CECR2: variants seen among roughly 807,000 people sequenced by gnomAD.
CECR2 encodes the protein CECR2 histone acetyl-lysine reader.
A neutral mutation model predicts 154.5 loss-of-function variants in CECR2; 30 were observed. The ratio of observed to expected loss-of-function variants is 0.19; its 90% CI spans 0.15 to 0.26. CECR2 has a LOEUF of 0.26. Among genes scored for constraint, CECR2 ranks in the 10% least tolerant of loss-of-function variants. CECR2 has a pLI of 1.00. For synonymous variants in CECR2, 725 were observed against 683.7 expected (o/e 1.06, Z -0.94); for missense variants, 1,743 against 1,829.3 (o/e 0.95, Z 0.86).
At chr22:17,517,685 T>C (rs1368337790) in intron 8 of CECR2, among the ~76,000 whole-genome samples, 2 of 152,250 alleles carry the variant, frequency 1.3e-5, no homozygotes, top group African/African-American at 4.8e-5. Flanking sequence ...TACCTAGCAT[T>C]GCTTTTCAGC....
intron 1 of CECR2, among the ~76,000 whole-genome samples, chr22:17,437,178 G>A (rs1217752853): frequency 6.6e-6 from 1 of 152,072 alleles, no homozygotes; most frequent in Non-Finnish European, 1.5e-5. Flanking sequence ...CCCTGTCTGC[G>A]GTTCTGCCTT....
chr22:17,442,428 G>A lies in CECR2; in HGVS notation c.127-35160G>A, dbSNP rs117195936. On this transcript the variant is annotated intron_variant, in intron 1 of 18. Coordinates refer to ENST00000262608, the MANE Select transcript of CECR2 (RefSeq NM_001290047.2). Reference sequence around the variant, plus strand: ...CAAATACATATATATTTTTAAATTAGTTGGGCGTAGTTGATGCACATCTTG... The same window carrying A: ...CAAATACATATATATTTTTAAATTAATTGGGCGTAGTTGATGCACATCTTG... Among the ~76,000 whole-genome samples, 290 of 152,276 alleles carry A rather than the reference G, an allele frequency of 1.9e-3. 8 individuals carry two copies. The East Asian group carries it at 0.05, about 26-fold the overall frequency.
At chr22:17,544,834 AAAG>A (rs2056586408) in intron 16 of CECR2, among the ~76,000 whole-genome samples, 3 of 149,554 alleles carry the variant, frequency 2.0e-5, no homozygotes, top group African/African-American at 5.0e-5. Context: ...AAAAAAAAAA[AAAG>A]GTTCATGCCT....
chr22:17,372,126 C>T (rs2146440754), intron 1 of CECR2, among the ~76,000 whole-genome samples: 1 of 152,250 alleles, frequency 6.6e-6, no homozygotes, highest in Non-Finnish European at 1.5e-5. Flanking sequence ...GTTTGAAATA[C>T]ATGCAACAGA....
At chr22:17,544,809 CAAAAAAAAAAAAAA>C (rs67994839) in intron 16 of CECR2, among the ~76,000 whole-genome samples, 11 of 45,620 alleles carry the variant, frequency 2.4e-4, no homozygotes, top group African/African-American at 9.6e-4. Context: ...GACTCTGTCT[CAAAAAAAAAAAAAA>C]AAAAAAAAAA....
intron 1 of CECR2, among the ~76,000 whole-genome samples, chr22:17,451,914 A>T (rs965820832): frequency 6.6e-6 from 1 of 152,184 alleles, no homozygotes; most frequent in Non-Finnish European, 1.5e-5. Context: ...TTTTAGCTTG[A>T]CAAAACAAAC....
intron 8 of CECR2, chr22:17,518,671 T>G: frequency 2.2e-6 from 1 of 445,566 alleles, no homozygotes; most frequent in Non-Finnish European, 4.6e-6. Context: ...CCATTCCAGG[T>G]CTTATTGATG....
At position 17,549,264 on chromosome 22, in the gene CECR2, G is replaced by T; in HGVS notation, c.3977G>T (p.Ser1326Ile). Reference protein sequence around the residue: ...EYLYGTPPPLSSGMGFGSSAF... With the variant: ...EYLYGTPPPLISGMGFGSSAF... ...CTCTATGGAACTCCTCCGCCTCTGA[G>T]TTCAGGAATGGGATTTGGTTCATCT... Residue 1326 changes from serine (S) to isoleucine (I), a missense_variant, in exon 17 of 19, where the codon AGT becomes ATT. Physicochemically the swap from Ser to Ile is moderately radical, Grantham distance 142. This residue lies in a region of CECR2 where 1,250 missense variants were observed against 1,192.1 expected (regional missense o/e 1.05). Transcript: ENST00000262608. 6.2e-7 allele frequency: 1 copy of T among 1,614,016 alleles called. No homozygotes were observed. Among genetic ancestry groups the T allele is most frequent in the Non-Finnish European group, 8.5e-7 (1 of 1,179,896 alleles).
In CECR2 at chr22:17,541,936, C is replaced by T; in HGVS notation, c.1982C>T (p.Pro661Leu). ...GTCCCGGAGCCACACCCCGGGGAGC[C>T]TGTGCAGCAGCGTCAGCCTTTCACC... ...SGVPEPHPGE[P>L]VQQRQPFTMQ... The change falls in exon 15 of 19, where the codon CCT (proline) becomes CTT (leucine). Residue 661 changes from proline to leucine, a missense_variant. Around this residue, in one of 4 missense-constraint regions of CECR2, gnomAD observed 1,250 missense variants for 1,192.1 expected, o/e 1.05. Coordinates refer to ENST00000262608, the MANE Select transcript of CECR2 (RefSeq NM_001290047.2). 1 of 1,613,974 alleles carries T rather than the reference C, an allele frequency of 6.2e-7. No individual in the cohort carries two copies. The highest frequency in any genetic ancestry group is 8.5e-7 in the Non-Finnish European group (1 of 1,179,866).
intron 2 of CECR2, among the ~76,000 whole-genome samples, chr22:17,496,568 T>C (rs2055632804): frequency 6.6e-6 from 1 of 152,118 alleles, no homozygotes; most frequent in African/African-American, 2.4e-5. Context: ...GCCTTAAAGT[T>C]CATGTATAAT....
intron 1 of CECR2, among the ~76,000 whole-genome samples, chr22:17,371,798 C>T (rs1420646957): frequency 6.6e-6 from 1 of 152,204 alleles, no homozygotes; most frequent in East Asian, 1.9e-4. Context: ...CTTTATGTCT[C>T]AAAATCCATG....
intron 1 of CECR2, among the ~76,000 whole-genome samples, chr22:17,413,515 A>G (rs1375955109): frequency 1.3e-5 from 2 of 152,088 alleles, no homozygotes; most frequent in African/African-American, 4.8e-5. Flanking sequence ...GCAGCAGGGA[A>G]AATAGGTAGA....
At chr22:17,538,780 T>A in intron 12 of CECR2, 49 bp downstream of exon 12, 1 of 1,488,512 alleles carries the variant, frequency 6.7e-7, no homozygotes, top group Non-Finnish European at 9.2e-7. Context: ...TATATCTTTC[T>A]TGGGTTTTGT....
At chr22:17,525,348 GA>G (rs2056245855) in intron 9 of CECR2, among the ~76,000 whole-genome samples, 1 of 89,614 alleles carries the variant, frequency 1.1e-5, no homozygotes, top group African/African-American at 4.3e-5. Context: ...AGAAAAGAAA[GA>G]AAGAAATGAT....
At chr22:17,519,416 T>C (rs1225503377) in intron 8 of CECR2, among the ~76,000 whole-genome samples, 2 of 151,166 alleles carry the variant, frequency 1.3e-5, no homozygotes, top group African/African-American at 4.9e-5. Context: ...CCCGCCACCA[T>C]GCCCAGCTAA....
At chr22:17,423,397 C>T (rs186883520) in intron 1 of CECR2, among the ~76,000 whole-genome samples, 46 of 152,122 alleles carry the variant, frequency 3.0e-4, no homozygotes, top group African/African-American at 1.0e-3. Flanking sequence ...GTCCCAGCTA[C>T]TCAGGAGGCT....
At chr22:17,454,351 T>C (rs2054820160) in intron 1 of CECR2, among the ~76,000 whole-genome samples, 1 of 149,116 alleles carries the variant, frequency 6.7e-6, no homozygotes, top group Admixed American at 6.7e-5. Flanking sequence ...TCTCAGCAGG[T>C]ATGAGGGATT....
intron 8 of CECR2, among the ~76,000 whole-genome samples, chr22:17,517,193 A>T (rs2056073656): frequency 6.6e-6 from 1 of 152,212 alleles, no homozygotes; most frequent in Non-Finnish European, 1.5e-5. Flanking sequence ...TGGGTGTTTT[A>T]AAGTGTGTGG....
chr22:17,547,629 G>T (rs915141869), intron 16 of CECR2, among the ~76,000 whole-genome samples: 12 of 152,194 alleles, frequency 7.9e-5, no homozygotes, highest in African/African-American at 2.9e-4. Flanking sequence ...GAGTCTGTGT[G>T]CATGAACTGA....
Sources: gnomAD v4.1 joint callset for allele counts (sites outside exome capture counted in the v4.1 genomes callset) on GRCh38, gnomAD v4.1.1 for gene constraint, gnomAD v4.1.1 regional missense constraint, MANE v1.5 for transcripts, NCBI Gene and HGNC (gene_info 2026-07-23, HGNC 2026-07-21) for gene names.